ADAP1: variants seen among roughly 807,000 people sequenced by gnomAD.
ADAP1 encodes arf-GAP with dual PH domain-containing protein 1.
A neutral mutation model predicts 54.9 loss-of-function variants in ADAP1; 31 were observed. That is an observed-to-expected ratio of 0.56 (90% CI 0.42 to 0.76). The LOEUF (loss-of-function observed/expected upper bound fraction) is 0.76, where lower values mean the gene tolerates loss of function less well. Among genes scored for constraint, ADAP1 ranks in the 30% least tolerant of loss-of-function variants. ADAP1 has a pLI of 0.00. For missense variants in ADAP1, 535 were observed against 512.4 expected (o/e 1.04, Z -0.42); for synonymous variants, 313 against 202.6 (o/e 1.55, Z -4.63).
Position 899,115 on chromosome 7 carries a change from G to T in ADAP1, c.1014C>A (p.Cys338Ter), listed in dbSNP as rs139346036. The T allele has an allele frequency of 1.9e-6, 3 of 1,608,824 alleles. No individual in the cohort carries two copies. Among genetic ancestry groups the T allele is most frequent in the Admixed American group, 1.7e-5 (1 of 60,030 alleles). ...ACTCCCTCTGGTCGGACTCCGTCTC[G>T]CAGGCAAACAGAAACTTGCGGTCGG... ...VTPDRKFLFA[C>*]ETESDQREWV... The change falls in exon 10 of 11, where the codon TGC (cysteine) becomes TGA (stop). Residue 338 changes from cysteine (C) to a stop codon, truncating the protein, a stop_gained. Transcript: ENST00000265846. LOFTEE classifies it high-confidence loss of function.
Position 920,194 on chromosome 7 carries a change from C to T in ADAP1, c.306-144G>A, listed in dbSNP as rs1000422810. ...GAGCCGCCCCTCTGGGCACAAGATC[C>T]CGGAAGAAATGCAGGGTCAGCCTCC... On this transcript the variant is annotated intron_variant, in intron 3 of 10. Coordinates refer to ENST00000265846, the MANE Select transcript of ADAP1 (RefSeq NM_006869.4). This position sits in a 1 kb window ranked among gnomAD's most constrained non-coding sequence, Gnocchi z 4.5. 9.2e-6 allele frequency: 6 copies of T among 652,594 alleles called. No homozygotes were observed. In the Admixed American group the frequency reaches 1.7e-4, roughly 18 times the overall value. The allele number at this position is 652,594 out of a possible 1,614,324, so 40.4% of individuals were successfully genotyped here.
chr7:905,314 G>GT (rs1845081547), intron 4 of ADAP1, 142 bp from the exon 5 acceptor site: 2 of 433,460 alleles, frequency 4.6e-6, no homozygotes, highest in Non-Finnish European at 8.2e-6. Flanking sequence ...GAGACGGACG[G>GT]GGAGAGGGGA....
Position 899,399 on chromosome 7 carries a change from G to C in ADAP1, c.867+20C>G, listed in dbSNP as rs374818685. On this transcript the variant is annotated intron_variant, in intron 9 of 10. Coordinates refer to ENST00000265846, the MANE Select transcript of ADAP1 (RefSeq NM_006869.4). ...GCCAGTGAGCTGCCCTCCCGTGCTG[G>C]GGCCACAGCTCCTCCTTACCAGGGG... 1.4e-5 allele frequency: 22 copies of C among 1,612,282 alleles called. No homozygotes were observed. The highest frequency in any genetic ancestry group is 3.3e-4 in the Middle Eastern group (2 of 6,082).
chr7:917,789 C>T (rs1324967372), intron 4 of ADAP1, among the ~76,000 whole-genome samples: 4 of 151,576 alleles, frequency 2.6e-5, no homozygotes, highest in African/African-American at 9.7e-5. Flanking sequence ...TTTCTTGTTA[C>T]AGACACACTC....
intron 4 of ADAP1, among the ~76,000 whole-genome samples, chr7:915,774 G>A (rs1047476095): frequency 3.3e-5 from 5 of 152,166 alleles, no homozygotes; most frequent in Admixed American, 3.3e-4. Context: ...CTGGCCCTGA[G>A]CCCAATGACA....
At position 938,534 on chromosome 7, in the gene ADAP1, A is replaced by G. The variant is rs1846846883; in HGVS notation, c.83-3029T>C. Among the ~76,000 whole-genome samples, 1 of 151,924 alleles carries G rather than the reference A, an allele frequency of 6.6e-6. No individual in the cohort carries two copies. Among genetic ancestry groups the G allele is most frequent in the Non-Finnish European group, 1.5e-5 (1 of 68,018 alleles). ...TGGAGAACAGGTGGGGAAGAACCAC[A>G]CTGAAGTCCCAGAAGAGAGAGACCT... On this transcript the variant is annotated intron_variant, in intron 1 of 10. Transcript: ENST00000265846. The surrounding 1 kb of genome is among the most constrained non-coding windows in gnomAD (Gnocchi z 4.4).
At chr7:903,878 G>A (rs1844949206) in intron 6 of ADAP1, 3 of 457,862 alleles carry the variant, frequency 6.6e-6, no homozygotes, top group South Asian at 4.9e-5. Flanking sequence ...CGGCTCCTGG[G>A]CAGCCCGGCC....
At position 945,825 on chromosome 7, in the gene ADAP1, T is replaced by C; in HGVS notation, c.82+8571A>G. 1 of 985,576 alleles carries C rather than the reference T, an allele frequency of 1.0e-6. No homozygotes were observed. The allele number at this position is 985,576 out of a possible 1,614,324, so 61.1% of individuals were successfully genotyped here. ...ATTTCCGGAGCTGGTCTGGGGCACC[T>C]GGGCAGGTGAGCCACATTCTTGGGC... On this transcript the variant is annotated intron_variant, in intron 1 of 10. Transcript: ENST00000265846. The surrounding 1 kb of genome is among the most constrained non-coding windows in gnomAD (Gnocchi z 4.2).
intron 4 of ADAP1, among the ~76,000 whole-genome samples, chr7:916,625 T>TCCAG (rs1440403818): frequency 6.6e-6 from 1 of 152,162 alleles, no homozygotes; most frequent in Non-Finnish European, 1.5e-5. Flanking sequence ...GGTGCCCGCG[T>TCCAG]GTTCATCCCC....
chr7:905,649 GAAAGGA>G (rs1845192552), intron 4 of ADAP1: 4 of 40,732 alleles, frequency 9.8e-5, no homozygotes, highest in African/African-American at 5.9e-4. Context: ...AGGAGAAAGG[GAAAGGA>G]GAAAGGAGAA....
chr7:900,702 G>A (rs1365579544), intron 6 of ADAP1, 86 bp from the exon 7 acceptor site: 7 of 1,198,824 alleles, frequency 5.8e-6, no homozygotes, highest in Non-Finnish European at 7.2e-6. Flanking sequence ...CCACAGAGGG[G>A]CCGCTTCCCC....
chr7:931,242 G>A (rs932161188), intron 2 of ADAP1, among the ~76,000 whole-genome samples: 6 of 152,206 alleles, frequency 3.9e-5, no homozygotes, highest in Admixed American at 3.3e-4. Context: ...CAGGGAAGGA[G>A]ACAGCTCCCT....
At position 920,749 on chromosome 7, in the gene ADAP1, C is replaced by T; in HGVS notation, c.306-699G>A. On this transcript the variant is annotated intron_variant, in intron 3 of 10. Transcript: ENST00000265846. The surrounding 1 kb of genome is among the most constrained non-coding windows in gnomAD (Gnocchi z 4.5). ...GAGCCCAGACATCCCTGCCCAGAGC[C>T]ACCCACCACGGCCTCCCCATCCACC... The T allele has an allele frequency of 6.5e-7, 1 of 1,536,898 alleles. No homozygotes were observed. The highest frequency in any genetic ancestry group is 1.2e-5 in the South Asian group (1 of 83,506).
rs573434006 is a variant in ADAP1 at position 945,421 on chromosome 7, G to A, written c.82+8975C>T. On this transcript the variant is annotated intron_variant, in intron 1 of 10. Coordinates refer to ENST00000265846, the MANE Select transcript of ADAP1 (RefSeq NM_006869.4). The surrounding 1 kb of genome is among the most constrained non-coding windows in gnomAD (Gnocchi z 4.2). ...CCCCCTCCACTCGGGGCACTGAACC[G>A]TGGGGCCGGCCCTGCTTCTGCCCAG... Among the ~76,000 whole-genome samples the A allele has an allele frequency of 2.5e-4, 38 of 152,324 alleles. No individual in the cohort carries two copies. In the East Asian group the frequency reaches 5.2e-3, roughly 21 times the overall value.
At chr7:908,424 G>A (rs1298839712) in intron 4 of ADAP1, among the ~76,000 whole-genome samples, 4 of 152,164 alleles carry the variant, frequency 2.6e-5, no homozygotes, top group Admixed American at 1.3e-4. Context: ...GTGCCAGACG[G>A]GGCCTGCTCC....
rs1451562080 is a variant in ADAP1 at position 920,023 on chromosome 7, G to A, written c.333C>T (p.Ala111=). 1.9e-6 allele frequency: 3 copies of A among 1,607,764 alleles called. No individual in the cohort carries two copies. The highest frequency in any genetic ancestry group is 2.5e-6 in the Non-Finnish European group (3 of 1,179,590). ...CQLLREQWIR[A]KYERQEFIYP... ...AGATGAACTCCTGTCGCTCGTACTT[G>A]GCCCGGATCCACTGCTCTCGAAGGA... is the stretch of plus-strand genomic sequence containing the variant. Residue 111 remains alanine, a synonymous_variant, in exon 4 of 11, where the codon GCC becomes GCT. Transcript: ENST00000265846. The surrounding 1 kb of genome is among the most constrained non-coding windows in gnomAD (Gnocchi z 4.5).
Position 945,986 on chromosome 7 carries a change from A to G in ADAP1, c.82+8410T>C, listed in dbSNP as rs1157097397. Among the ~76,000 whole-genome samples, 1 of 152,184 alleles carries G rather than the reference A, an allele frequency of 6.6e-6. No individual in the cohort carries two copies. Among genetic ancestry groups the G allele is most frequent in the Non-Finnish European group, 1.5e-5 (1 of 68,016 alleles). On this transcript the variant is annotated intron_variant, in intron 1 of 10. Coordinates refer to ENST00000265846, the MANE Select transcript of ADAP1 (RefSeq NM_006869.4). This position sits in a 1 kb window ranked among gnomAD's most constrained non-coding sequence, Gnocchi z 4.2. Reference sequence around the variant, plus strand: ...TGCCCTCCCAAGGCTGACGCACAGCAGAGATCCCGGTGCAATCGAGGCCGG... The same window carrying G: ...TGCCCTCCCAAGGCTGACGCACAGCGGAGATCCCGGTGCAATCGAGGCCGG...
chr7:927,497 G>A (rs1173345348), intron 2 of ADAP1: 2 of 470,724 alleles, frequency 4.2e-6, no homozygotes, highest in African/African-American at 2.0e-5. Context: ...AACACCACTC[G>A]CCTGAGGCCG....
chr7:905,889 GA>G (rs1403664211), intron 4 of ADAP1, among the ~76,000 whole-genome samples: 226 of 4,052 alleles, frequency 0.056, no homozygotes, highest in Non-Finnish European at 0.12. Flanking sequence ...AAGGAGAAAG[GA>G]GAAAGGAGAA....
Sources: allele counts gnomAD v4.1 joint callset (sites outside exome capture counted in the v4.1 genomes callset), GRCh38; gene constraint gnomAD v4.1.1; non-coding constraint Gnocchi (gnomAD v3.1); transcripts MANE v1.5; gene names NCBI Gene and HGNC (gene_info 2026-07-23, HGNC 2026-07-21).